Variants in MICAL2 observed in about 807,000 individuals in gnomAD.
MICAL2 encodes microtubule associated monooxygenase, calponin and LIM domain containing 2.
In MICAL2, 77 loss-of-function variants were observed where a neutral mutation model predicts 127.3. The ratio of observed to expected loss-of-function variants is 0.60; its 90% confidence interval spans 0.50 to 0.73. The LOEUF is 0.73. Ranked by LOEUF, MICAL2 falls within the 30% of genes least tolerant of loss-of-function variation. The probability of loss-of-function intolerance (pLI) is 0.00; values close to 1 mark genes in which losing one functional copy is unlikely to be tolerated. For missense variants in MICAL2, 1,351 were observed against 1,434.4 expected (o/e 0.94, Z 0.94); for synonymous variants, 570 against 551.1 (o/e 1.03, Z -0.48).
At chr11:12,228,195 T>C (rs1857723856) in intron 15 of MICAL2, among the ~76,000 whole-genome samples, 1 of 152,152 alleles carries the variant, frequency 6.6e-6, no homozygotes, top group Admixed American at 6.5e-5. Context: ...CCAGGTGTGG[T>C]GACAGGTGCC....
At chr11:12,173,481 C>T (rs1266434490) in intron 3 of MICAL2, among the ~76,000 whole-genome samples, 1 of 152,218 alleles carries the variant, frequency 6.6e-6, no homozygotes, top group Non-Finnish European at 1.5e-5. Context: ...AGAATGAGCT[C>T]TTGCATTTAC....
chr11:12,193,834 T>C (rs909623296), intron 3 of MICAL2, among the ~76,000 whole-genome samples: 4 of 152,228 alleles, frequency 2.6e-5, no homozygotes, highest in African/African-American at 9.6e-5. Flanking sequence ...TTATCTGGGC[T>C]TGTTGTGAGA....
At chr11:12,177,170 T>G (rs1298012396) in intron 3 of MICAL2, among the ~76,000 whole-genome samples, 1 of 152,224 alleles carries the variant, frequency 6.6e-6, no homozygotes, top group East Asian at 1.9e-4. Flanking sequence ...ATACTTATTT[T>G]TTGTTTTTTA....
At chr11:12,294,122 C>A (rs1423736642), downstream of MICAL2, 1 of 1,614,028 alleles carries the variant, frequency 6.2e-7, no homozygotes, top group Admixed American at 1.7e-5. Context: ...CCGCCCCCTG[C>A]TGCTCCCTAG....
At chr11:12,242,954 T>G in intron 20 of MICAL2, 182 bp downstream of exon 20, 2 of 495,726 alleles carry the variant, frequency 4.0e-6, no homozygotes, top group Non-Finnish European at 7.0e-6. Context: ...AATGCGAAGA[T>G]TCAAAATAAA....
chr11:12,134,974 G>T (rs1319337553), intron 1 of MICAL2, among the ~76,000 whole-genome samples: 1 of 152,210 alleles, frequency 6.6e-6, no homozygotes, highest in African/African-American at 2.4e-5. Flanking sequence ...GTGCACTATG[G>T]CTGCAGGCAG....
chr11:12,221,816 G>A, intron 10 of MICAL2, 57 bp downstream of exon 10: 4 of 1,419,776 alleles, frequency 2.8e-6, no homozygotes, highest in South Asian at 2.4e-5. Flanking sequence ...GCAGGAAAGG[G>A]GGCAAGATCA....
At chr11:12,294,246 T>G (rs751220097), downstream of MICAL2, 4 of 1,614,016 alleles carry the variant, frequency 2.5e-6, no homozygotes, top group Middle Eastern at 1.6e-4. Flanking sequence ...CCACTGCGGC[T>G]CATAGCCAAT....
At chr11:12,218,186 C>G (rs1204574036) in intron 8 of MICAL2, among the ~76,000 whole-genome samples, 1 of 152,236 alleles carries the variant, frequency 6.6e-6, no homozygotes, top group Admixed American at 6.5e-5. Flanking sequence ...TCTCTTCAAG[C>G]AGCCGTGCCT....
intron 29 of MICAL2, among the ~76,000 whole-genome samples, chr11:12,305,030 C>T (rs1383998766): frequency 6.6e-6 from 1 of 152,096 alleles, no homozygotes. Context: ...CTTTGCAATA[C>T]AGTAGTGTCC....
upstream of MICAL2, among the ~76,000 whole-genome samples, chr11:12,273,337 A>G (rs780098524): frequency 1.3e-5 from 2 of 152,210 alleles, no homozygotes; most frequent in Non-Finnish European, 2.9e-5. Context: ...GTAAGCTGCT[A>G]CTGCTTTTAT....
intron 2 of MICAL2, among the ~76,000 whole-genome samples, chr11:12,283,343 T>TAAAA (rs56832587): frequency 3.9e-4 from 52 of 132,578 alleles, no homozygotes; most frequent in African/African-American, 1.0e-3. Context: ...GTGTGGAGTT[T>TAAAA]AAAAAAAAAA....
At chr11:12,148,003 G>A (rs919548627) in intron 2 of MICAL2, among the ~76,000 whole-genome samples, 5 of 152,164 alleles carry the variant, frequency 3.3e-5, no homozygotes, top group Admixed American at 2.6e-4. Context: ...TAAGGGATGG[G>A]GTGGTGGAGG....
intron 8 of MICAL2, among the ~76,000 whole-genome samples, chr11:12,217,391 A>G (rs1856309846): frequency 6.6e-6 from 1 of 152,152 alleles, no homozygotes; most frequent in African/African-American, 2.4e-5. Context: ...CCTGAGTTGT[A>G]GACGGAGGCT....
chr11:12,141,833 G>A (rs1330690225), intron 2 of MICAL2, among the ~76,000 whole-genome samples: 2 of 152,224 alleles, frequency 1.3e-5, no homozygotes, highest in Admixed American at 6.5e-5. Flanking sequence ...ATTGGTAGAA[G>A]GTTGCTCAGT....
intron 2 of MICAL2, among the ~76,000 whole-genome samples, chr11:12,142,634 T>C (rs753629002): frequency 1.8e-4 from 27 of 152,344 alleles, no homozygotes; most frequent in Non-Finnish European, 2.8e-4. Context: ...GGCCCAACAC[T>C]TCCTGCTGAG....
chr11:12,202,838 G>A (rs1169648698), intron 3 of MICAL2, among the ~76,000 whole-genome samples: 2 of 152,096 alleles, frequency 1.3e-5, no homozygotes, highest in African/African-American at 4.8e-5. Context: ...ACACAATTCA[G>A]TGGTTTTAGT....
chr11:12,173,499 C>A (rs1590185828), intron 3 of MICAL2, among the ~76,000 whole-genome samples: 1 of 152,158 alleles, frequency 6.6e-6, no homozygotes, highest in Admixed American at 6.5e-5. Flanking sequence ...TACTCTTTGC[C>A]CCTGGCATTC....
intron 32 of MICAL2, among the ~76,000 whole-genome samples, chr11:12,331,511 A>G (rs1244373168): frequency 1.3e-5 from 2 of 152,144 alleles, no homozygotes; most frequent in Non-Finnish European, 2.9e-5. Context: ...GAGAAATGCT[A>G]GCGAAAGCCT....
Sources: gnomAD v4.1 joint callset for allele counts (sites outside exome capture counted in the v4.1 genomes callset) on GRCh38, gnomAD v4.1.1 for gene constraint, MANE v1.5 for transcripts, NCBI Gene and HGNC (gene_info 2026-07-23, HGNC 2026-07-21) for gene names.